Variants in MSI1 observed in about 807,000 individuals in gnomAD.
MSI1 encodes RNA-binding protein Musashi homolog 1.
Under a neutral mutation model 54.4 loss-of-function variants are expected in MSI1, and 15 were observed. That is an observed-to-expected ratio of 0.28 (90% CI 0.18 to 0.42). The LOEUF (loss-of-function observed/expected upper bound fraction) is 0.42. MSI1 is among the 20% of genes least tolerant of loss of function. MSI1 has a pLI of 1.00. For missense variants in MSI1, 304 were observed against 506.0 expected, an observed-to-expected ratio of 0.60 and a Z score of 3.83; for synonymous variants, 200 against 196.5, an observed-to-expected ratio of 1.02 and a Z score of -0.15.
Position 120,341,424 on chromosome 12 carries a change from T to A in MSI1, c.*1703A>T, listed in dbSNP as rs1873664871. 1 of 151,776 alleles carries A rather than the reference T, an allele frequency of 6.6e-6. No homozygotes were observed. Among genetic ancestry groups the A allele is most frequent in the Non-Finnish European group, 1.5e-5 (1 of 67,916 alleles). The allele number at this position is 151,776 out of a possible 1,614,324, so 9.4% of individuals were successfully genotyped here. Reference sequence around the variant, plus strand: ...GGAGAGAAGAGACACCGGAGGATGGTAACTTGCTGGCTTCGAAACACCATG... The same window carrying A: ...GGAGAGAAGAGACACCGGAGGATGGAAACTTGCTGGCTTCGAAACACCATG... On this transcript the variant is annotated 3_prime_UTR_variant, in exon 15 of 15. Transcript: ENST00000257552.
At chr12:120,346,534 C>T (rs1282334754) in intron 12 of MSI1, among the ~76,000 whole-genome samples, 3 of 152,014 alleles carry the variant, frequency 2.0e-5, no homozygotes, top group Non-Finnish European at 2.9e-5. Flanking sequence ...AGCCTCACCT[C>T]CTGAGCCCCT....
chr12:120,341,184 C>T (rs1162642042), downstream of MSI1: 1 of 152,406 alleles, frequency 6.6e-6, no homozygotes, highest in African/African-American at 2.4e-5. Flanking sequence ...CTGTGACTGA[C>T]TGGCCCTGTT....
rs1258548761 is a variant in MSI1, at chr12:120,341,720, C to G, written c.*1407G>C. 6.6e-6 allele frequency: 1 copy of G among 151,908 alleles called. No individual in the cohort carries two copies. Among genetic ancestry groups the G allele is most frequent in the African/African-American group, 2.4e-5 (1 of 41,232 alleles). The allele number at this position is 151,908 out of a possible 1,614,324, so 9.4% of individuals were successfully genotyped here. A position where few individuals can be genotyped will look rare whatever the true frequency, so the allele number is the denominator to read the frequency against. On this transcript the variant is annotated 3_prime_UTR_variant, in exon 15 of 15. Transcript: ENST00000257552. ...GTAACAAAGATTATTGCTTTGTGTT[C>G]TCAGGGCTGATAGGTTAAGCACCTC...
chr12:120,363,340 C>G (rs2060081281), intron 5 of MSI1, among the ~76,000 whole-genome samples: 1 of 148,000 alleles, frequency 6.8e-6, no homozygotes, highest in South Asian at 2.2e-4. Context: ...CCCTGGCTGG[C>G]TCGAGTGTGC....
chr12:120,366,721 G>A (rs1457133996), intron 4 of MSI1, among the ~76,000 whole-genome samples: 2 of 152,114 alleles, frequency 1.3e-5, no homozygotes, highest in Admixed American at 1.3e-4. Context: ...CCAGGCTGGA[G>A]GACGCCAAAC....
At chr12:120,358,825 C>T (rs972104349) in intron 7 of MSI1, among the ~76,000 whole-genome samples, 180 bp downstream of exon 7, 5 of 152,234 alleles carry the variant, frequency 3.3e-5, no homozygotes, top group Non-Finnish European at 5.9e-5. Flanking sequence ...GTCTGCAATT[C>T]GGCAAGTTTC....
chr12:120,349,258 G>C (rs1874402137), intron 11 of MSI1, among the ~76,000 whole-genome samples: 1 of 151,884 alleles, frequency 6.6e-6, no homozygotes, highest in African/African-American at 2.4e-5. Flanking sequence ...ATCATGCCTG[G>C]CTAATTTTTT....
chr12:120,353,384 TG>T lies in MSI1; in HGVS notation c.653-6del. ...TGGCTTGGAAACCTGGGTAACCTGA[TG>T]GGGCAAGGGGGCAGTGTCAGATGGC... On this transcript the variant is annotated splice_region_variant and splice_polypyrimidine_tract_variant and intron_variant, in intron 9 of 14. Coordinates refer to ENST00000257552, the MANE Select transcript of MSI1 (RefSeq NM_002442.4). 1 of 1,613,910 alleles carries T rather than the reference TG, an allele frequency of 6.2e-7. No homozygotes were observed. Among genetic ancestry groups the T allele is most frequent in the East Asian group, 2.2e-5 (1 of 44,870 alleles).
intron 9 of MSI1, among the ~76,000 whole-genome samples, chr12:120,353,871 C>A (rs961047370): frequency 6.6e-6 from 1 of 152,224 alleles, no homozygotes; most frequent in Non-Finnish European, 1.5e-5. Flanking sequence ...TACAAGACTC[C>A]GAAACATCTT....
At chr12:120,366,737 C>T (rs1876043044) in intron 4 of MSI1, among the ~76,000 whole-genome samples, 1 of 152,138 alleles carries the variant, frequency 6.6e-6, no homozygotes, top group African/African-American at 2.4e-5. Flanking sequence ...CAAACACAGA[C>T]AAAGCCCTGG....
chr12:120,363,028 C>G lies in MSI1; in HGVS notation c.402+15G>C. On this transcript the variant is annotated intron_variant, in intron 6 of 14. Coordinates refer to ENST00000257552, the MANE Select transcript of MSI1 (RefSeq NM_002442.4). ...TTCACAGCCCCAGCAGCAAGCGCCC[C>G]CAGTTTAAACCCACCTTCCCAAACT... 1 of 1,611,188 alleles carries G rather than the reference C, an allele frequency of 6.2e-7. No homozygotes were observed. Among genetic ancestry groups the G allele is most frequent in the East Asian group, 2.2e-5 (1 of 44,860 alleles).
At chr12:120,365,057 C>T (rs998952970) in intron 4 of MSI1, among the ~76,000 whole-genome samples, 9 of 152,126 alleles carry the variant, frequency 5.9e-5, no homozygotes, top group South Asian at 2.1e-4. Context: ...ATTACAGGTG[C>T]GCACCACCAC....
At position 120,342,768 on chromosome 12, in the gene MSI1, A is replaced by T. The variant is rs1403775805; in HGVS notation, c.*359T>A. On this transcript the variant is annotated 3_prime_UTR_variant, in exon 15 of 15. Coordinates refer to ENST00000257552, the MANE Select transcript of MSI1 (RefSeq NM_002442.4). ...TCCGCCTTCACTCCAGCTATGCACA[A>T]ATCCAAAAGCCTTTTGGGGAGGGGG... The T allele has an allele frequency of 6.6e-6, 1 of 151,194 alleles. No individual in the cohort carries two copies. The highest frequency in any genetic ancestry group is 2.4e-5 in the African/African-American group (1 of 41,078). The allele number at this position is 151,194 out of a possible 1,614,324, so 9.4% of individuals were successfully genotyped here. A position where few individuals can be genotyped will look rare whatever the true frequency, so the allele number is the denominator to read the frequency against.
rs757303115 is a variant in MSI1 at position 120,356,960 on chromosome 12, C to A, written c.594G>T (p.Gly198=). Residue 198 remains glycine, a synonymous_variant, in exon 9 of 15, where the codon GGG becomes GGT. Transcript: ENST00000257552. ...TTCCGTAGGGCATGACTCGAGACCT[C>A]CCCCGGGCTGAGCCCGTTGGCGACA... ...EVMSPTGSAR[G]RSRVMPYGMD... 1 of 1,614,220 alleles carries A rather than the reference C, an allele frequency of 6.2e-7. No homozygotes were observed. Among genetic ancestry groups the A allele is most frequent in the South Asian group, 1.1e-5 (1 of 91,092 alleles).
chr12:120,365,914 C>T (rs540407453), intron 4 of MSI1, among the ~76,000 whole-genome samples: 31 of 152,264 alleles, frequency 2.0e-4, no homozygotes, highest in South Asian at 4.1e-4. Context: ...TGAGATAACG[C>T]GGGTGAAAGC....
intron 7 of MSI1, 135 bp from the exon 8 acceptor site, chr12:120,358,033 T>C (rs1036174527): frequency 1.1e-5 from 8 of 714,616 alleles, no homozygotes; most frequent in Admixed American, 6.8e-5. Context: ...GCTCACAGCC[T>C]GGAATCCTCT....
intron 6 of MSI1, among the ~76,000 whole-genome samples, chr12:120,360,042 G>A (rs1875498031): frequency 1.3e-5 from 2 of 151,904 alleles, no homozygotes; most frequent in African/African-American, 4.8e-5. Flanking sequence ...CTGGAGTTCT[G>A]TGGCATGATC....
Position 120,368,495 on chromosome 12 carries a change from G to T in MSI1, c.101-222C>A, listed in dbSNP as rs1305723116. ...GCCGAGGGCCGAGCTGGGCTGGAAG[G>T]GGGACGGCTCCGGCCGGGTTCCCGC... On this transcript the variant is annotated intron_variant, in intron 2 of 14. Transcript: ENST00000257552. The surrounding 1 kb of genome is among the most constrained non-coding windows in gnomAD (Gnocchi z 6.6). 6.6e-6 allele frequency among the ~76,000 whole-genome samples: 1 copy of T among 152,094 alleles called. No homozygotes were observed. Among genetic ancestry groups the T allele is most frequent in the African/African-American group, 2.4e-5 (1 of 41,448 alleles).
At chr12:120,357,291 G>A (rs751006130) in intron 8 of MSI1, among the ~76,000 whole-genome samples, 3 of 152,186 alleles carry the variant, frequency 2.0e-5, no homozygotes, top group African/African-American at 4.8e-5. Flanking sequence ...CTGAGGCTCA[G>A]AGAAGGGAGG....
Sources: gnomAD v4.1 joint callset for allele counts (sites outside exome capture counted in the v4.1 genomes callset) on GRCh38, gnomAD v4.1.1 for gene constraint, Gnocchi (gnomAD v3.1) non-coding constraint, MANE v1.5 for transcripts, NCBI Gene and HGNC (gene_info 2026-07-23, HGNC 2026-07-21) for gene names.